The following ATP2B4 variants were observed in gnomAD, a reference collection of about 807,000 sequenced individuals.
The protein encoded by ATP2B4 is ATPase plasma membrane Ca2+ transporting 4, also known as plasma membrane calcium-transporting ATPase 4.
In ATP2B4, 39 loss-of-function variants were observed where a neutral mutation model predicts 110.3. The observed-to-expected ratio is 0.35, with a 90% CI of 0.27 to 0.46. The LOEUF (loss-of-function observed/expected upper bound fraction) is 0.46. ATP2B4 is among the 20% of genes least tolerant of loss of function. ATP2B4 has a pLI of 1.00. For missense variants in ATP2B4, 1,135 were observed against 1,530.9 expected (o/e 0.74, Z 4.32); for synonymous variants, 538 against 571.7 (o/e 0.94, Z 0.84).
At chr1:203,657,588 T>C (rs558095178) in intron 1 of ATP2B4, 625 of 961,492 alleles carry the variant, frequency 6.5e-4, no homozygotes, top group Middle Eastern at 2.2e-3. Flanking sequence ...AGCATGACAC[T>C]GTTTAAGGTA....
intron 2 of ATP2B4, among the ~76,000 whole-genome samples, chr1:203,691,967 C>T (rs941931253): frequency 3.3e-5 from 5 of 150,806 alleles, no homozygotes; most frequent in South Asian, 2.1e-4. Context: ...CTGCAAGCTC[C>T]GCCTCCCGTG....
chr1:203,678,541 C>T (rs961929165), intron 1 of ATP2B4, among the ~76,000 whole-genome samples: 2 of 152,018 alleles, frequency 1.3e-5, no homozygotes, highest in African/African-American at 2.4e-5. Flanking sequence ...CTTGCTAGGA[C>T]CACAGGTGTG....
intron 1 of ATP2B4, among the ~76,000 whole-genome samples, chr1:203,679,814 A>G (rs2365857): frequency 0.97 from 147,344 of 152,124 alleles, 71,503 homozygotes; most frequent in East Asian, 1. Context: ...CCCAGGAGGC[A>G]GAGGTTGCAA....
At chr1:203,636,506 C>G (rs1663443333) in intron 1 of ATP2B4, among the ~76,000 whole-genome samples, 1 of 152,148 alleles carries the variant, frequency 6.6e-6, no homozygotes, top group African/African-American at 2.4e-5. Flanking sequence ...TAGTCAATTC[C>G]CCTTCTGTGT....
chr1:203,699,611 G>A lies in ATP2B4; in HGVS notation c.543G>A (p.Gln181=). Residue 181 remains glutamine, a synonymous_variant, in exon 4 of 21, where the codon CAG becomes CAA. Coordinates refer to ENST00000357681, the MANE Select transcript of ATP2B4 (RefSeq NM_001684.5). ...WSKEKQFRGL[Q]CRIEQEQKFS... The stretch of plus-strand genomic sequence containing the variant: ...AAGAGAAGCAATTCCGGGGGCTGCA[G>A]TGCCGCATTGAACAGGAGCAAAAGT... 1.2e-6 allele frequency: 2 copies of A among 1,614,204 alleles called. No individual in the cohort carries two copies. Among genetic ancestry groups the A allele is most frequent in the Non-Finnish European group, 1.7e-6 (2 of 1,180,040 alleles).
Position 203,707,858 on chromosome 1 carries a change from G to A in ATP2B4, c.1315-4G>A. 6.2e-7 allele frequency: 1 copy of A among 1,613,556 alleles called. No individual in the cohort carries two copies. The highest frequency in any genetic ancestry group is 8.5e-7 in the Non-Finnish European group (1 of 1,179,522). On this transcript the variant is annotated splice_region_variant and splice_polypyrimidine_tract_variant and intron_variant, in intron 9 of 20. Transcript: ENST00000357681. ...TCTCAAGTCTTTTCTCTTCTCCTTTGTAGAAAATGATGAAAGACAATAACC... is the reference window on the plus strand; with the variant it reads ...TCTCAAGTCTTTTCTCTTCTCCTTTATAGAAAATGATGAAAGACAATAACC...
In ATP2B4 at chr1:203,631,000, T is replaced by G. The variant is rs1663251121; in HGVS notation, c.-465+3781T>G. On this transcript the variant is annotated intron_variant, in intron 1 of 20. Coordinates refer to ENST00000357681, the MANE Select transcript of ATP2B4 (RefSeq NM_001684.5). Reference sequence around the variant, plus strand: ...TGTGAGCCATTCTTGTTCCACTGACTTATTTCCTCTGTACATGTTAAAACA... The same window carrying G: ...TGTGAGCCATTCTTGTTCCACTGACGTATTTCCTCTGTACATGTTAAAACA... Among the ~76,000 whole-genome samples the G allele has an allele frequency of 2.0e-5, 3 of 152,252 alleles. 1 individual carries two copies. The South Asian group carries it at 6.2e-4, about 31-fold the overall frequency.
Position 203,723,735 on chromosome 1 carries a change from T to G in ATP2B4, c.3025-146T>G, listed in dbSNP as rs938611200. The stretch of plus-strand genomic sequence containing the variant: ...TGTCTGTCTCCCCTTTGAGATTTCT[T>G]CTTTTCCCTTCCCCTGCAAGCAAAT... On this transcript the variant is annotated intron_variant, in intron 18 of 20. Coordinates refer to ENST00000357681, the MANE Select transcript of ATP2B4 (RefSeq NM_001684.5). The G allele has an allele frequency of 6.2e-5, 37 of 599,560 alleles. No homozygotes were observed. The South Asian group carries it at 8.7e-4, about 14-fold the overall frequency. The allele number at this position is 599,560 out of a possible 1,614,324, so 37.1% of individuals were successfully genotyped here. A position where few individuals can be genotyped will look rare whatever the true frequency, so the allele number is the denominator to read the frequency against.
chr1:203,657,595 G>T, intron 1 of ATP2B4: 1 of 978,190 alleles, frequency 1.0e-6, no homozygotes, highest in Non-Finnish European at 1.7e-6. Context: ...CACTGTTTAA[G>T]GTAAAGCTTA....
chr1:203,671,949 C>T (rs926283832), intron 1 of ATP2B4, among the ~76,000 whole-genome samples: 2 of 152,094 alleles, frequency 1.3e-5, no homozygotes, highest in Non-Finnish European at 2.9e-5. Flanking sequence ...ATGGGGGCTT[C>T]GAAGCTCTCC....
intron 20 of ATP2B4, among the ~76,000 whole-genome samples, chr1:203,736,090 G>C (rs868438634): frequency 6.6e-6 from 1 of 152,318 alleles, no homozygotes; most frequent in Non-Finnish European, 1.5e-5. Context: ...GAATTCAACT[G>C]TTTGTCCAAC....
At chr1:203,633,841 G>A (rs191303537) in intron 1 of ATP2B4, among the ~76,000 whole-genome samples, 6 of 152,006 alleles carry the variant, frequency 3.9e-5, no homozygotes, top group Admixed American at 1.3e-4. Flanking sequence ...ACCTGAGGTC[G>A]GGAGTTTTAG....
In ATP2B4 at chr1:203,713,156, T is replaced by C; in HGVS notation, c.2212-9T>C. On this transcript the variant is annotated splice_polypyrimidine_tract_variant and intron_variant, in intron 13 of 20. Transcript: ENST00000357681. ...TTTGACTGATCCAGGTGTGGTCTGG[T>C]GTTGGCAGGTAGAGCAAGAAAAGCT... is the stretch of plus-strand genomic sequence containing the variant. The C allele has an allele frequency of 6.2e-7, 1 of 1,614,212 alleles. No individual in the cohort carries two copies. The highest frequency in any genetic ancestry group is 1.3e-5 in the African/African-American group (1 of 75,070).
chr1:203,677,222 C>G (rs1445490574), intron 1 of ATP2B4, among the ~76,000 whole-genome samples: 1 of 152,050 alleles, frequency 6.6e-6, no homozygotes, highest in East Asian at 1.9e-4. Context: ...AGCCACTATG[C>G]CAGGCACTAC....
At chr1:203,735,476 C>G (rs1304260851) in intron 20 of ATP2B4, among the ~76,000 whole-genome samples, 2 of 152,184 alleles carry the variant, frequency 1.3e-5, no homozygotes, top group Admixed American at 6.5e-5. Context: ...CTTCCTCCCC[C>G]ATTCCCAACC....
chr1:203,652,047 ACT>A (rs1015091098), intron 1 of ATP2B4, among the ~76,000 whole-genome samples: 4 of 100,350 alleles, frequency 4.0e-5, no homozygotes, highest in Non-Finnish European at 6.7e-5. Context: ...ACAGAGCGAG[ACT>A]CTGTCTCAAA....
chr1:203,690,325 A>C (rs150114308), intron 2 of ATP2B4, among the ~76,000 whole-genome samples: 1 of 152,264 alleles, frequency 6.6e-6, no homozygotes, highest in African/African-American at 2.4e-5. Context: ...ATCTGGAAAA[A>C]ATTGAGTACA....
rs1663304582 is a variant in ATP2B4 at position 203,632,602 on chromosome 1, C to G, written c.-465+5383C>G. ...TCATGATCCGCCCACCTCAGCCTCC[C>G]AAAGTGCTGGGATTACAGGCGTGAG... On this transcript the variant is annotated intron_variant, in intron 1 of 20. Transcript: ENST00000357681. Among the ~76,000 whole-genome samples, 3 of 150,980 alleles carry G rather than the reference C, an allele frequency of 2.0e-5. No individual in the cohort carries two copies. The South Asian group carries it at 6.3e-4, about 32-fold the overall frequency.
At chr1:203,682,487 G>T (rs553304971) in intron 1 of ATP2B4, among the ~76,000 whole-genome samples, 1 of 152,130 alleles carries the variant, frequency 6.6e-6, no homozygotes, top group East Asian at 1.9e-4. Flanking sequence ...GGTTGGGAGA[G>T]GTGAGACGTG....
Sources: allele counts gnomAD v4.1 joint callset (sites outside exome capture counted in the v4.1 genomes callset), GRCh38; gene constraint gnomAD v4.1.1; transcripts MANE v1.5; gene names NCBI Gene and HGNC (gene_info 2026-07-23, HGNC 2026-07-21).